CTNND2: variants seen among roughly 807,000 people sequenced by gnomAD.
The protein encoded by CTNND2 is catenin delta-2.
A neutral mutation model predicts 144.4 loss-of-function variants in CTNND2; 22 were observed. The observed-to-expected ratio is 0.15, with a 90% CI of 0.11 to 0.22. CTNND2 has a LOEUF of 0.22. CTNND2 is among the 10% of genes least tolerant of loss of function. The pLI, the probability that CTNND2 is intolerant of heterozygous loss-of-function variation, is 1.00. For synonymous variants in CTNND2, 751 were observed against 695.6 expected, an observed-to-expected ratio of 1.08 and a Z score of -1.25; for missense variants, 1,353 against 1,618.8, an observed-to-expected ratio of 0.84 and a Z score of 2.82.
At chr5:11,695,482 C>G (rs1561703003) in intron 2 of CTNND2, among the ~76,000 whole-genome samples, 1 of 152,102 alleles carries the variant, frequency 6.6e-6, no homozygotes, top group African/African-American at 2.4e-5. Flanking sequence ...AGTGCCCTAC[C>G]ACTTCTCTTT....
intron 1 of CTNND2, among the ~76,000 whole-genome samples, chr5:11,785,403 TA>T (rs2126856901): frequency 6.6e-6 from 1 of 152,306 alleles, no homozygotes; most frequent in East Asian, 1.9e-4. Flanking sequence ...AATAACCATA[TA>T]AAAACACTTT....
At chr5:11,110,486 T>C (rs1752852352) in intron 14 of CTNND2, among the ~76,000 whole-genome samples, 1 of 152,162 alleles carries the variant, frequency 6.6e-6, no homozygotes, top group Non-Finnish European at 1.5e-5. Flanking sequence ...TCCCTTCTTA[T>C]ACCACATCTC....
chr5:11,221,585 A>T (rs1374932505), intron 10 of CTNND2, among the ~76,000 whole-genome samples: 1 of 152,230 alleles, frequency 6.6e-6, no homozygotes, highest in Non-Finnish European at 1.5e-5. Context: ...ATCTTAGGAG[A>T]TGACGGCGCC....
Position 11,562,455 on chromosome 5 carries a change from T to C in CTNND2, c.287+2489A>G, listed in dbSNP as rs372582590. Among the ~76,000 whole-genome samples the C allele has an allele frequency of 1.6e-3, 248 of 152,360 alleles. 1 individual carries two copies. The highest frequency in any genetic ancestry group is 5.6e-3 in the African/African-American group (232 of 41,594). On this transcript the variant is annotated intron_variant, in intron 3 of 21. Transcript: ENST00000304623. ...CAAACAAACAGTGGAAGTGATGCTA[T>C]GCATCAACTGTTCTCCAGAGAAGTA...
chr5:11,127,498 C>T (rs187889251), intron 12 of CTNND2, among the ~76,000 whole-genome samples: 1 of 152,332 alleles, frequency 6.6e-6, no homozygotes, highest in East Asian at 1.9e-4. Context: ...AGAGGCATTT[C>T]CACTGTCATC....
chr5:11,665,354 T>A (rs1029888188), intron 2 of CTNND2, among the ~76,000 whole-genome samples: 1 of 152,074 alleles, frequency 6.6e-6, no homozygotes, highest in Admixed American at 6.6e-5. Flanking sequence ...CATTACAGAG[T>A]TGTGGTACTG....
At chr5:11,406,160 A>G (rs1262399197) in intron 5 of CTNND2, among the ~76,000 whole-genome samples, 3 of 152,196 alleles carry the variant, frequency 2.0e-5, no homozygotes, top group African/African-American at 2.4e-5. Context: ...AAGTAAGTAA[A>G]TAAACAAAAC....
chr5:11,502,143 TC>T (rs1337789287), intron 3 of CTNND2, among the ~76,000 whole-genome samples: 1 of 151,920 alleles, frequency 6.6e-6, no homozygotes, highest in Non-Finnish European at 1.5e-5. Flanking sequence ...AAGAACTCAT[TC>T]CTGCCAGCAC....
chr5:11,719,504 T>A (rs1172914342), intron 2 of CTNND2, among the ~76,000 whole-genome samples: 1 of 152,154 alleles, frequency 6.6e-6, no homozygotes, highest in Non-Finnish European at 1.5e-5. Context: ...ACTACATATT[T>A]ACAAAGTATG....
At chr5:11,732,727 T>C (rs1205263963) in intron 1 of CTNND2, among the ~76,000 whole-genome samples, 3 of 152,022 alleles carry the variant, frequency 2.0e-5, no homozygotes, top group Admixed American at 1.3e-4. Context: ...ATAACCCCCG[T>C]TATAGTCTTG....
At chr5:11,159,129 G>C (rs1758518048) in intron 12 of CTNND2, among the ~76,000 whole-genome samples, 1 of 151,942 alleles carries the variant, frequency 6.6e-6, no homozygotes, top group Non-Finnish European at 1.5e-5. Flanking sequence ...CAGTCAAACA[G>C]AGAATTTTTA....
chr5:11,278,855 A>G (rs992703070), intron 9 of CTNND2, among the ~76,000 whole-genome samples: 1 of 152,006 alleles, frequency 6.6e-6, no homozygotes, highest in African/African-American at 2.4e-5. Flanking sequence ...CCTACTTCCC[A>G]GGCCCCTTCT....
intron 1 of CTNND2, among the ~76,000 whole-genome samples, chr5:11,886,874 A>T (rs1239026868): frequency 6.6e-6 from 1 of 152,018 alleles, no homozygotes; most frequent in Non-Finnish European, 1.5e-5. Flanking sequence ...TTCTATAAAA[A>T]GCCATTCTCT....
intron 2 of CTNND2, among the ~76,000 whole-genome samples, chr5:11,659,515 C>T (rs527474349): frequency 1.3e-5 from 2 of 152,160 alleles, no homozygotes; most frequent in Non-Finnish European, 2.9e-5. Context: ...CAAGTGTTAG[C>T]ATGCACATTG....
chr5:11,773,441 C>T (rs1217359898), intron 1 of CTNND2, among the ~76,000 whole-genome samples: 2 of 152,214 alleles, frequency 1.3e-5, no homozygotes, highest in South Asian at 2.1e-4. Context: ...GTAGCCTTAG[C>T]CCCAGATGCT....
intron 3 of CTNND2, among the ~76,000 whole-genome samples, chr5:11,562,338 G>T (rs1233268701): frequency 6.6e-6 from 1 of 151,966 alleles, no homozygotes; most frequent in Non-Finnish European, 1.5e-5. Flanking sequence ...CCCTTTTGAT[G>T]TGCTAACTAG....
intron 12 of CTNND2, among the ~76,000 whole-genome samples, chr5:11,150,535 C>A (rs1052732040): frequency 4.6e-5 from 7 of 150,894 alleles, no homozygotes; most frequent in Admixed American, 4.6e-4. Context: ...TGTGGAGAAG[C>A]GCAGTGCAGC....
Position 11,623,442 on chromosome 5 carries a change from T to C in CTNND2, c.175-58386A>G, listed in dbSNP as rs190148680. Among the ~76,000 whole-genome samples the C allele has an allele frequency of 2.6e-5, 4 of 152,084 alleles. No homozygotes were observed. The East Asian group carries it at 7.8e-4, about 30-fold the overall frequency. Reference sequence around the variant, plus strand: ...CCTCATTCTCTCTTGTTTGCCGCCGTGTAAGATGTGCCTTTTGCCTTGTGT... The same window carrying C: ...CCTCATTCTCTCTTGTTTGCCGCCGCGTAAGATGTGCCTTTTGCCTTGTGT... On this transcript the variant is annotated intron_variant, in intron 2 of 21. Transcript: ENST00000304623.
At chr5:11,000,514 C>CT (rs1376067754) in intron 18 of CTNND2, among the ~76,000 whole-genome samples, 1 of 152,168 alleles carries the variant, frequency 6.6e-6, no homozygotes, top group Admixed American at 6.5e-5. Context: ...GAATGAAACT[C>CT]TGTCTCAAGA....
Sources: allele counts gnomAD v4.1 joint callset (sites outside exome capture counted in the v4.1 genomes callset), GRCh38; gene constraint gnomAD v4.1.1; transcripts MANE v1.5; gene names NCBI Gene and HGNC (gene_info 2026-07-23, HGNC 2026-07-21).